Variants in PCDHGA6 observed in about 807,000 individuals in gnomAD.
PCDHGA6 encodes the protein protocadherin gamma-A6.
PCDHGA6 carries 41 observed loss-of-function variants against 60.6 expected under a neutral mutation model. The observed-to-expected ratio is 0.68, with a 90% CI of 0.53 to 0.88. The LOEUF (loss-of-function observed/expected upper bound fraction) is 0.88, where lower values mean the gene tolerates loss of function less well. PCDHGA6 is among the 40% of genes least tolerant of loss of function. The pLI, the probability that PCDHGA6 is intolerant of heterozygous loss-of-function variation, is 0.00. For synonymous variants in PCDHGA6, 594 were observed against 524.4 expected (o/e 1.13, Z -1.81); for missense variants, 1,312 against 1,203.0 (o/e 1.09, Z -1.34).
At chr5:141,475,491 C>T (rs1321482409) in intron 1 of PCDHGA6, among the ~76,000 whole-genome samples, 2 of 152,202 alleles carry the variant, frequency 1.3e-5, no homozygotes, top group African/African-American at 4.8e-5. Flanking sequence ...AGAGATAAAA[C>T]TGAAATTATT....
chr5:141,403,789 C>T (rs1230029917), intron 1 of PCDHGA6: 1 of 1,613,864 alleles, frequency 6.2e-7, no homozygotes, highest in East Asian at 2.2e-5. Flanking sequence ...AAGTGGCATA[C>T]AAATTCTGGA....
chr5:141,403,533 T>G (rs1307203985), intron 1 of PCDHGA6: 2 of 1,613,992 alleles, frequency 1.2e-6, no homozygotes, highest in African/African-American at 2.7e-5. Flanking sequence ...AACCCAGAGC[T>G]GGTGCTGGAG....
At chr5:141,416,711 C>G (rs962144454) in intron 1 of PCDHGA6, 1 of 152,152 alleles carries the variant, frequency 6.6e-6, no homozygotes, top group South Asian at 2.1e-4. Context: ...ATTGGAGGTA[C>G]TGATGAGTTC....
intron 1 of PCDHGA6, chr5:141,393,668 T>C (rs1048580916): frequency 6.2e-7 from 1 of 1,613,872 alleles, no homozygotes. Context: ...GGAAAATTAA[T>C]GAAAAACAAA....
chr5:141,398,222 A>C, intron 1 of PCDHGA6: 2 of 1,483,320 alleles, frequency 1.3e-6, no homozygotes, highest in Non-Finnish European at 1.8e-6. Flanking sequence ...CTCTGTGAGC[A>C]GATCCGCTAC....
chr5:141,419,322 C>T lies in PCDHGA6; in HGVS notation c.2424+42815C>T, dbSNP rs370480327. The stretch of plus-strand genomic sequence containing the variant: ...GACTTCGGGCTCAACGGCCGTGTCT[C>T]CTACTCTCTCATTGCCAGCGACCTG... On this transcript the variant is annotated intron_variant, in intron 1 of 3. Transcript: ENST00000517434. 164 of 1,613,852 alleles carry T rather than the reference C, an allele frequency of 1.0e-4. No individual in the cohort carries two copies. Among genetic ancestry groups the T allele is most frequent in the Non-Finnish European group, 1.3e-4 (153 of 1,179,898 alleles).
At chr5:141,469,438 G>T (rs2099201339) in intron 1 of PCDHGA6, among the ~76,000 whole-genome samples, 1 of 152,112 alleles carries the variant, frequency 6.6e-6, no homozygotes, top group African/African-American at 2.4e-5. Flanking sequence ...AGCTGGGCGT[G>T]GTGGTGCACA....
rs749645155 is a variant in PCDHGA6 at position 141,414,214 on chromosome 5, A to G, written c.2424+37707A>G. On this transcript the variant is annotated intron_variant, in intron 1 of 3. Transcript: ENST00000517434. ...GATTACAGTAGAAGATGTAAATGAC[A>G]ACAGTCCAGAGCTGACCATCACGTC... 6.2e-6 allele frequency: 10 copies of G among 1,613,126 alleles called. No homozygotes were observed. The South Asian group carries it at 9.9e-5, about 16-fold the overall frequency.
intron 1 of PCDHGA6, chr5:141,398,904 C>A (rs1487711986): frequency 3.1e-6 from 5 of 1,613,930 alleles, no homozygotes; most frequent in Non-Finnish European, 3.4e-6. Context: ...CACCAGGCAC[C>A]ACTGTGTTGC....
rs554661873 is a variant in PCDHGA6, at chr5:141,487,723, T to C, written c.2425-7084T>C. ...GCCTCTCAGTAAGTGCCCATAGTGATGTCACCATTTTTGTAAGAGGTAACT... is the reference window on the plus strand; with the variant it reads ...GCCTCTCAGTAAGTGCCCATAGTGACGTCACCATTTTTGTAAGAGGTAACT... On this transcript the variant is annotated intron_variant, in intron 1 of 3. Transcript: ENST00000517434. The surrounding 1 kb of genome is among the most constrained non-coding windows in gnomAD (Gnocchi z 5.0). The C allele has an allele frequency of 2.6e-5, 41 of 1,574,932 alleles. No homozygotes were observed. Among genetic ancestry groups the C allele is most frequent in the Non-Finnish European group, 5.2e-6 (6 of 1,158,382 alleles).
chr5:141,413,645 C>T, intron 1 of PCDHGA6: 9 of 1,613,834 alleles, frequency 5.6e-6, no homozygotes, highest in Non-Finnish European at 7.6e-6. Context: ...ATGCGTTTTC[C>T]TCTCCCGGAA....
chr5:141,494,812 C>G lies in PCDHGA6; in HGVS notation c.2430C>G (p.Ala810=). The part of the protein sequence containing the change: ...TKGEPRQLQQ[A]PPNTDWRFSQ... ...TCCCTCTGTTTTCTCCACAGCAAGCCCCGCCCAACACGGACTGGCGTTTCT... is the reference window on the plus strand; with the variant it reads ...TCCCTCTGTTTTCTCCACAGCAAGCGCCGCCCAACACGGACTGGCGTTTCT... The change falls in exon 2 of 4, where the codon GCC becomes GCG. Residue 810 remains alanine, a synonymous_variant. Coordinates refer to ENST00000517434, the MANE Select transcript of PCDHGA6 (RefSeq NM_018919.3). 4 of 1,614,146 alleles carry G rather than the reference C, an allele frequency of 2.5e-6. No homozygotes were observed. The highest frequency in any genetic ancestry group is 3.4e-6 in the Non-Finnish European group (4 of 1,180,016).
rs1054012796 is a variant in PCDHGA6 at position 141,420,071 on chromosome 5, G to C, written c.2424+43564G>C. The C allele has an allele frequency of 6.2e-7, 1 of 1,614,050 alleles. No individual in the cohort carries two copies. On this transcript the variant is annotated intron_variant, in intron 1 of 3. Coordinates refer to ENST00000517434, the MANE Select transcript of PCDHGA6 (RefSeq NM_018919.3). ...AGTTCTCTGCTCCAAGTCCGGACCT[G>C]TGGGTCCCCCCAACTACAGTGAGGG...
rs748357509 is a variant in PCDHGA6 at position 141,384,447 on chromosome 5, G to A, written c.2424+7940G>A. The A allele has an allele frequency of 2.0e-5, 32 of 1,613,890 alleles. No homozygotes were observed. The African/African-American group carries it at 2.4e-4, about 12-fold the overall frequency. The stretch of plus-strand genomic sequence containing the variant: ...ACTCTGACACTGGAGTCCTGTACGC[G>A]CTGCAATCCTTTGATTATGAGCAGT... On this transcript the variant is annotated intron_variant, in intron 1 of 3. Coordinates refer to ENST00000517434, the MANE Select transcript of PCDHGA6 (RefSeq NM_018919.3).
rs2099693161 is a variant in PCDHGA6, at chr5:141,489,871, G to T, written c.2425-4936G>T. ...TGAAGCCCAGGCAAGACATCAGCTG[G>T]TGCTTACTGCTGTGGATGGGGGGAC... On this transcript the variant is annotated intron_variant, in intron 1 of 3. Coordinates refer to ENST00000517434, the MANE Select transcript of PCDHGA6 (RefSeq NM_018919.3). This position sits in a 1 kb window ranked among gnomAD's most constrained non-coding sequence, Gnocchi z 4.5. The T allele has an allele frequency of 6.2e-7, 1 of 1,614,088 alleles. No homozygotes were observed. Among genetic ancestry groups the T allele is most frequent in the Non-Finnish European group, 8.5e-7 (1 of 1,180,022 alleles).
At chr5:141,415,458 C>G (rs2095871921) in intron 1 of PCDHGA6, 7 of 1,614,204 alleles carry the variant, frequency 4.3e-6, no homozygotes, top group Non-Finnish European at 5.1e-6. Context: ...CCCACGAGGT[C>G]TCTCTCACCG....
At chr5:141,384,110 T>A in intron 1 of PCDHGA6, 1 of 1,604,780 alleles carries the variant, frequency 6.2e-7, no homozygotes, top group Non-Finnish European at 8.5e-7. Context: ...TATTATAGAT[T>A]GGTCACAACC....
Position 141,432,492 on chromosome 5 carries a change from C to A in PCDHGA6, c.2424+55985C>A. On this transcript the variant is annotated intron_variant, in intron 1 of 3. Transcript: ENST00000517434. The surrounding 1 kb of genome is among the most constrained non-coding windows in gnomAD (Gnocchi z 6.0). ...GACGGTTCCACTGGCGTGGAGCTGG[C>A]TCCCCGCTCCGCAGAGCCCGGCTAC... 6.2e-7 allele frequency: 1 copy of A among 1,614,168 alleles called. No individual in the cohort carries two copies. Among genetic ancestry groups the A allele is most frequent in the Admixed American group, 1.7e-5 (1 of 60,034 alleles).
chr5:141,377,430 T>C (rs1308051444), intron 1 of PCDHGA6: 1 of 151,886 alleles, frequency 6.6e-6, no homozygotes, highest in Non-Finnish European at 1.5e-5. Context: ...ACTCTGTCTC[T>C]ACCAAAAAGA....
Sources: gnomAD v4.1 joint callset for allele counts (sites outside exome capture counted in the v4.1 genomes callset) on GRCh38, gnomAD v4.1.1 for gene constraint, Gnocchi (gnomAD v3.1) non-coding constraint, MANE v1.5 for transcripts, NCBI Gene and HGNC (gene_info 2026-07-23, HGNC 2026-07-21) for gene names.